Variants in RNF125 observed in about 807,000 individuals in gnomAD.
RNF125 encodes the protein E3 ubiquitin-protein ligase RNF125.
In RNF125, 21 loss-of-function variants were observed where a neutral mutation model predicts 26.0. The observed-to-expected ratio is 0.81, with a 90% CI of 0.57 to 1.16. RNF125 has a LOEUF of 1.16. Among genes scored for constraint, RNF125 ranks in the 50% most tolerant of loss-of-function variants. RNF125 has a pLI of 0.00. For synonymous variants in RNF125, 95 were observed against 109.2 expected, an observed-to-expected ratio of 0.87 and a Z score of 0.81; for missense variants, 270 against 299.4, an observed-to-expected ratio of 0.90 and a Z score of 0.72.
intron 4 of RNF125, among the ~76,000 whole-genome samples, chr18:32,050,270 AAG>A (rs1164074694): frequency 7.2e-5 from 11 of 152,174 alleles, no homozygotes; most frequent in Non-Finnish European, 1.6e-4. Context: ...ATGCATCCTT[AAG>A]AGCCAATAGC....
chr18:32,033,818 TCAAA>T (rs111827492), intron 1 of RNF125, among the ~76,000 whole-genome samples: 29,169 of 151,370 alleles, frequency 0.19, 2,904 homozygotes, highest in African/African-American at 0.24. Context: ...AAATTTCATC[TCAAA>T]CAAACAAACA....
At chr18:32,042,412 TAATCATTTGTTGATAGC>T in intron 3 of RNF125, 139 bp downstream of exon 3, 2 of 619,428 alleles carry the variant, frequency 3.2e-6, no homozygotes, top group Non-Finnish European at 5.4e-6. Flanking sequence ...CTGGTACTGG[TAATCATTTGTTGATAGC>T]AATCATTGTT....
intron 1 of RNF125, among the ~76,000 whole-genome samples, chr18:32,035,723 A>G (rs937241960): frequency 2.0e-5 from 3 of 152,240 alleles, no homozygotes; most frequent in Non-Finnish European, 2.9e-5. Flanking sequence ...TTAGAAGTCA[A>G]TGATTAGCAC....
downstream of RNF125, among the ~76,000 whole-genome samples, chr18:32,073,406 G>C (rs1472349175): frequency 2.0e-5 from 3 of 152,184 alleles, no homozygotes; most frequent in African/African-American, 7.2e-5. Context: ...GGGTGTGCTA[G>C]TGGCCTGAGA....
chr18:32,076,377 A>C (rs1335362579), downstream of RNF125: 2 of 235,790 alleles, frequency 8.5e-6, no homozygotes, highest in Admixed American at 5.4e-5. Flanking sequence ...GTGCAGTGGT[A>C]TGATTACAGC....
At chr18:32,090,142 A>T in the RNF125 span, among the ~76,000 whole-genome samples, 9 of 152,188 alleles carry the variant, frequency 5.9e-5, no homozygotes, top group Admixed American at 1.3e-4. Context: ...GCTACTTGGG[A>T]GGCTGAGGCA....
chr18:32,046,362 C>T lies in RNF125; in HGVS notation c.504+630C>T, dbSNP rs534249196. Among the ~76,000 whole-genome samples the T allele has an allele frequency of 1.2e-4, 18 of 151,738 alleles. No individual in the cohort carries two copies. The South Asian group carries it at 2.7e-3, about 23-fold the overall frequency. On this transcript the variant is annotated intron_variant, in intron 4 of 5. Transcript: ENST00000217740. ...CTGTAATCCCAGCACTTTGGGAGGC[C>T]GAGGCAGGCAGATCACGAGGTCAGG...
chr18:32,042,270 C>G lies in RNF125; in HGVS notation c.410C>G (p.Ala137Gly). The G allele has an allele frequency of 6.2e-7, 1 of 1,602,238 alleles. No homozygotes were observed. Among genetic ancestry groups the G allele is most frequent in the Non-Finnish European group, 8.5e-7 (1 of 1,170,184 alleles). The change falls in exon 3 of 6, where the codon GCA becomes GGA. Residue 137 changes from alanine to glycine, a missense_variant. Transcript: ENST00000217740. ...GPLQELEETA[A>G]RCVCPFCQRE... ...CTACAAGAACTTGAGGAGACAGCAG[C>G]AAGGTTTGTTTCAATACAATATAGT...
chr18:32,082,046 G>C, the RNF125 span, among the ~76,000 whole-genome samples: 4 of 152,164 alleles, frequency 2.6e-5, no homozygotes, highest in Admixed American at 2.6e-4. Flanking sequence ...CCTGGCAACC[G>C]GAGTGGGAAG....
chr18:32,065,506 G>T (rs2039475894), intron 4 of RNF125, among the ~76,000 whole-genome samples: 1 of 152,152 alleles, frequency 6.6e-6, no homozygotes. Context: ...AAAATGTTGG[G>T]ATTATAGGTG....
intron 4 of RNF125, among the ~76,000 whole-genome samples, chr18:32,051,051 C>T (rs1337952452): frequency 3.3e-5 from 5 of 151,740 alleles, no homozygotes; most frequent in Non-Finnish European, 7.4e-5. Flanking sequence ...CACTGGTTGG[C>T]TCTTACTCAT....
chr18:32,053,657 G>A (rs894911465), intron 4 of RNF125, among the ~76,000 whole-genome samples: 41 of 151,890 alleles, frequency 2.7e-4, no homozygotes, highest in African/African-American at 9.2e-4. Flanking sequence ...GCACATTGGC[G>A]TGTGCCTCTA....
At chr18:32,048,028 T>C (rs1004591581) in intron 4 of RNF125, among the ~76,000 whole-genome samples, 3 of 151,978 alleles carry the variant, frequency 2.0e-5, no homozygotes, top group African/African-American at 7.2e-5. Flanking sequence ...CTCGGGAGGC[T>C]GAGGTGGGAG....
downstream of RNF125, chr18:32,075,820 TTTGTTG>T (rs1023674245): frequency 6.1e-6 from 4 of 656,374 alleles, no homozygotes; most frequent in Admixed American, 7.1e-5. Flanking sequence ...CATTGTTTTC[TTTGTTG>T]TTGTTGTTTG....
chr18:32,086,876 T>A, the RNF125 span, among the ~76,000 whole-genome samples: 2 of 152,014 alleles, frequency 1.3e-5, no homozygotes, highest in African/African-American at 2.4e-5. Context: ...GGTCTCAAAT[T>A]CCTGACCTCA....
rs1016446080 is a variant in RNF125 at position 32,069,219 on chromosome 18, A to T, written c.*835A>T. The T allele has an allele frequency of 2.6e-5, 4 of 151,518 alleles. No individual in the cohort carries two copies. Among genetic ancestry groups the T allele is most frequent in the Non-Finnish European group, 2.9e-5 (2 of 67,902 alleles). The allele number at this position is 151,518 out of a possible 1,614,324, so 9.4% of individuals were successfully genotyped here. A position where few individuals can be genotyped will look rare whatever the true frequency, so the allele number is the denominator to read the frequency against. ...CCATCTCAAAAAAAAAAAAAAAAAA[A>T]ATCCATTTAACCAAATTGTCTTACA... is the stretch of plus-strand genomic sequence containing the variant. On this transcript the variant is annotated 3_prime_UTR_variant, in exon 6 of 6. Transcript: ENST00000217740.
chr18:32,048,736 A>G (rs954786252), intron 4 of RNF125, among the ~76,000 whole-genome samples: 3 of 152,126 alleles, frequency 2.0e-5, no homozygotes, highest in African/African-American at 4.8e-5. Flanking sequence ...TGGAATGGCT[A>G]AGTAGGAGCT....
rs2039537823 is a variant in RNF125 at position 32,071,963 on chromosome 18, C to T, written c.*3579C>T. ...ACTTTGGGAGGCTGAGGTGGAGGGT[C>T]TCATGAGCCCAGGAGTTCAAGACCA... On this transcript the variant is annotated 3_prime_UTR_variant, in exon 6 of 6. Coordinates refer to ENST00000217740, the MANE Select transcript of RNF125 (RefSeq NM_017831.4). 1 of 152,114 alleles carries T rather than the reference C, an allele frequency of 6.6e-6. No individual in the cohort carries two copies. Among genetic ancestry groups the T allele is most frequent in the South Asian group, 2.1e-4 (1 of 4,828 alleles). The allele number at this position is 152,114 out of a possible 1,614,324, so 9.4% of individuals were successfully genotyped here.
In RNF125 at chr18:32,073,094, G is replaced by T. The variant is rs1488856646; in HGVS notation, c.*4710G>T. 5.9e-5 allele frequency: 9 copies of T among 152,160 alleles called. No individual in the cohort carries two copies. The highest frequency in any genetic ancestry group is 2.2e-4 in the African/African-American group (9 of 41,432). 9.4% of individuals were successfully genotyped at this position (152,160 alleles called of 1,614,324 possible). On this transcript the variant is annotated 3_prime_UTR_variant, in exon 6 of 6. Coordinates refer to ENST00000217740, the MANE Select transcript of RNF125 (RefSeq NM_017831.4). ...TATTATTCAACTACAAAAAAATAGT[G>T]TAATGATCAGAATTTAAAATGTGTG...
Sources: gnomAD v4.1 joint callset for allele counts (sites outside exome capture counted in the v4.1 genomes callset) on GRCh38, gnomAD v4.1.1 for gene constraint, MANE v1.5 for transcripts, NCBI Gene and HGNC (gene_info 2026-07-23, HGNC 2026-07-21) for gene names.